PTK2: variants seen among roughly 807,000 people sequenced by gnomAD.
The protein encoded by PTK2 is focal adhesion kinase 1.
Under a neutral mutation model 150.1 loss-of-function variants are expected in PTK2, and 45 were observed. The observed-to-expected ratio is 0.30, with a 90% confidence interval of 0.24 to 0.38. The LOEUF (loss-of-function observed/expected upper bound fraction) is 0.38. Ranked by LOEUF, PTK2 falls within the 10% of genes least tolerant of loss-of-function variation. PTK2 has a pLI of 1.00. For missense variants in PTK2, 919 were observed against 1,307.3 expected, an observed-to-expected ratio of 0.70 and a Z score of 4.58; for synonymous variants, 432 against 449.2, an observed-to-expected ratio of 0.96 and a Z score of 0.48.
chr8:140,926,876 C>A (rs976350034), intron 1 of PTK2, among the ~76,000 whole-genome samples: 2 of 152,040 alleles, frequency 1.3e-5, no homozygotes, highest in Non-Finnish European at 2.9e-5. Context: ...ACAACAAAAC[C>A]CTGACCTTAT....
At chr8:140,823,431 G>A (rs6578139) in intron 8 of PTK2, among the ~76,000 whole-genome samples, 88,254 of 151,880 alleles carry the variant, frequency 0.58, 27,272 homozygotes, top group African/African-American at 0.79. Context: ...ATTCTATGAA[G>A]TAACGGAGAT....
chr8:140,762,900 C>CCTCCTGAGT (rs2100070184), intron 15 of PTK2, among the ~76,000 whole-genome samples: 1 of 152,146 alleles, frequency 6.6e-6, no homozygotes, highest in South Asian at 2.1e-4. Context: ...CACACCTCAG[C>CCTCCTGAGT]CTCCTGAGTA....
intron 2 of PTK2, among the ~76,000 whole-genome samples, chr8:140,919,033 T>C (rs924532726): frequency 6.6e-6 from 1 of 152,140 alleles, no homozygotes; most frequent in Non-Finnish European, 1.5e-5. Context: ...ACTAAGATAG[T>C]TACACACTGG....
At chr8:140,800,211 A>G (rs2100094149) in intron 12 of PTK2, among the ~76,000 whole-genome samples, 1 of 152,180 alleles carries the variant, frequency 6.6e-6, no homozygotes, top group African/African-American at 2.4e-5. Context: ...AAAATCCTCT[A>G]AGTAGGTAGC....
chr8:140,928,173 T>C (rs913760776), intron 1 of PTK2, among the ~76,000 whole-genome samples: 3 of 151,792 alleles, frequency 2.0e-5, no homozygotes, highest in African/African-American at 7.3e-5. Flanking sequence ...GCATGAATGG[T>C]TGTTATTCCA....
At chr8:140,662,222 A>G (rs2081379464) in intron 31 of PTK2, among the ~76,000 whole-genome samples, 1 of 152,014 alleles carries the variant, frequency 6.6e-6, no homozygotes, top group African/African-American at 2.4e-5. Context: ...ACTTGAGCTC[A>G]GGAGTTGGAG....
intron 2 of PTK2, among the ~76,000 whole-genome samples, chr8:140,909,780 G>C (rs2100162374): frequency 1.3e-5 from 2 of 152,100 alleles, no homozygotes; most frequent in African/African-American, 4.8e-5. Flanking sequence ...TCTTTAAACA[G>C]AAATCCACTG....
exon 1 of PTK2, chr8:141,001,158 AGAC>A: frequency 6.6e-6 from 1 of 150,976 alleles, no homozygotes; most frequent in Non-Finnish European, 1.5e-5. Flanking sequence ...AAGCGAAGGC[AGAC>A]GACGACGGGG....
In PTK2 at chr8:140,763,088, C is replaced by A. The variant is rs538915431; in HGVS notation, c.1234+1146G>T. 2.0e-5 allele frequency among the ~76,000 whole-genome samples: 3 copies of A among 152,230 alleles called. No homozygotes were observed. The South Asian group carries it at 6.2e-4, about 32-fold the overall frequency. ...TGCGCCACCATGCCAAAAAGTTAAA[C>A]CTAAGTTTAAACATTTTTCCAAACT... is the stretch of plus-strand genomic sequence containing the variant. On this transcript the variant is annotated intron_variant, in intron 15 of 31. Transcript: ENST00000522684.
chr8:140,744,352 G>A (rs3923115), intron 19 of PTK2, among the ~76,000 whole-genome samples: 88,462 of 151,914 alleles, frequency 0.58, 27,379 homozygotes, highest in African/African-American at 0.79. Flanking sequence ...TGTTTGTGTA[G>A]GGAATAAGTG....
chr8:140,756,190 G>A (rs1331816255), intron 16 of PTK2, among the ~76,000 whole-genome samples: 1 of 151,952 alleles, frequency 6.6e-6, no homozygotes, highest in Non-Finnish European at 1.5e-5. Flanking sequence ...GGGTGTGATG[G>A]TGTGTGCCTG....
chr8:140,761,879 T>C (rs1490113321), intron 15 of PTK2, among the ~76,000 whole-genome samples: 1 of 152,116 alleles, frequency 6.6e-6, no homozygotes, highest in Non-Finnish European at 1.5e-5. Context: ...ACATTATAAA[T>C]CATAAATATA....
At chr8:140,763,557 A>T (rs2100070535) in intron 15 of PTK2, among the ~76,000 whole-genome samples, 1 of 152,128 alleles carries the variant, frequency 6.6e-6, no homozygotes, top group African/African-American at 2.4e-5. Flanking sequence ...ATCTAATTCA[A>T]GATCTGGAGA....
chr8:140,937,253 C>A (rs2100173968), intron 1 of PTK2, among the ~76,000 whole-genome samples: 1 of 152,052 alleles, frequency 6.6e-6, no homozygotes, highest in South Asian at 2.1e-4. Context: ...TTTAAATTTT[C>A]TTTTTATAAT....
In PTK2 at chr8:140,949,908, C is replaced by T. The variant is rs145509254; in HGVS notation, c.-121-24159G>A. Among the ~76,000 whole-genome samples the T allele has an allele frequency of 5.9e-3, 899 of 152,230 alleles. 13 individuals are homozygous for T. Among genetic ancestry groups the T allele is most frequent in the African/African-American group, 0.02 (820 of 41,520 alleles). ...GAGTGAGAACTTATGGTGCTTTTTC[C>T]GGGCCTGCCCATGGCCCAATCAGTA... is the stretch of plus-strand genomic sequence containing the variant. On this transcript the variant is annotated intron_variant, in intron 1 of 31. Coordinates refer to ENST00000522684, the Ensembl canonical transcript of PTK2.
intron 2 of PTK2, among the ~76,000 whole-genome samples, chr8:140,904,057 G>C (rs10110385): frequency 0.024 from 3,666 of 152,266 alleles, 159 homozygotes; most frequent in African/African-American, 0.085. Flanking sequence ...AGTGGTGAGA[G>C]ACGGCATCCT....
intron 2 of PTK2, chr8:140,921,112 A>C: frequency 7.7e-7 from 1 of 1,291,948 alleles, no homozygotes; most frequent in Non-Finnish European, 9.8e-7. Flanking sequence ...CAGTTACAGA[A>C]TCTTCTCATG....
chr8:140,908,879 C>A (rs1457825442), intron 2 of PTK2, among the ~76,000 whole-genome samples: 1 of 152,152 alleles, frequency 6.6e-6, no homozygotes, highest in Admixed American at 6.6e-5. Context: ...TATAAGAATG[C>A]ATTCAATATA....
intron 10 of PTK2, among the ~76,000 whole-genome samples, chr8:140,817,897 T>A (rs1176419963): frequency 6.8e-6 from 1 of 147,250 alleles, no homozygotes; most frequent in Non-Finnish European, 1.5e-5. Flanking sequence ...GAATGTATAA[T>A]TTTTTTTTTT....
Sources: gnomAD v4.1 joint callset for allele counts (sites outside exome capture counted in the v4.1 genomes callset) on GRCh38, gnomAD v4.1.1 for gene constraint, MANE v1.5 for transcripts, NCBI Gene and HGNC (gene_info 2026-07-23, HGNC 2026-07-21) for gene names.